The following EBF2 variants were observed in gnomAD, a reference collection of about 807,000 sequenced individuals.
EBF2 encodes transcription factor COE2.
Under a neutral mutation model 72.8 loss-of-function variants are expected in EBF2, and 21 were observed. The ratio of observed to expected loss-of-function variants is 0.29; its 90% CI spans 0.20 to 0.42. The LOEUF (loss-of-function observed/expected upper bound fraction) is 0.42, where lower values mean the gene tolerates loss of function less well. EBF2 is among the 10% of genes least tolerant of loss of function. The probability of loss-of-function intolerance (pLI) is 1.00; values close to 1 mark genes in which losing one functional copy is unlikely to be tolerated. For missense variants in EBF2, 637 were observed against 731.2 expected (o/e 0.87, Z 1.49); for synonymous variants, 299 against 274.2 (o/e 1.09, Z -0.89).
At position 25,844,547 on chromosome 8, in the gene EBF2, G is replaced by A; in HGVS notation, c.*62C>T. ...CTACACCCCCAAAAGAGCTCCTAGTGCTTTCTTCATTATTGGTCCATCAGA... is the reference window on the plus strand; with the variant it reads ...CTACACCCCCAAAAGAGCTCCTAGTACTTTCTTCATTATTGGTCCATCAGA... On this transcript the variant is annotated 3_prime_UTR_variant, in exon 16 of 16. Transcript: ENST00000520164. 2 of 1,594,042 alleles carry A rather than the reference G, an allele frequency of 1.3e-6. No homozygotes were observed. Among genetic ancestry groups the A allele is most frequent in the Non-Finnish European group, 1.7e-6 (2 of 1,162,012 alleles).
Position 25,859,401 on chromosome 8 carries a change from A to G in EBF2, c.1343-897T>C, listed in dbSNP as rs116278630. Among the ~76,000 whole-genome samples the G allele has an allele frequency of 8.8e-3, 1,333 of 152,224 alleles. 20 individuals are homozygous for G. Among genetic ancestry groups the G allele is most frequent in the African/African-American group, 0.031 (1,270 of 41,516 alleles). On this transcript the variant is annotated intron_variant, in intron 13 of 15. Transcript: ENST00000520164. ...AACGTCAGTTCCAAGTTGTTGCCAC[A>G]CCCTAGGTGCAAGTGGGGATCAATT... is the stretch of plus-strand genomic sequence containing the variant.
chr8:25,979,237 G>A (rs895581254), intron 6 of EBF2, among the ~76,000 whole-genome samples: 1 of 152,164 alleles, frequency 6.6e-6, no homozygotes, highest in Non-Finnish European at 1.5e-5. Flanking sequence ...AAATGATTTG[G>A]GCAGGCTGCC....
intron 6 of EBF2, among the ~76,000 whole-genome samples, chr8:25,936,579 A>G (rs1803582551): frequency 6.6e-6 from 1 of 152,234 alleles, no homozygotes; most frequent in African/African-American, 2.4e-5. Flanking sequence ...GTTGAGTATT[A>G]GTCTGTACCA....
At chr8:25,867,890 A>G (rs993295806) in intron 10 of EBF2, among the ~76,000 whole-genome samples, 3 of 152,190 alleles carry the variant, frequency 2.0e-5, no homozygotes, top group African/African-American at 7.2e-5. Context: ...TATTTTTTCT[A>G]GAAAAAATCA....
chr8:25,986,076 T>C (rs1162471965), intron 6 of EBF2, among the ~76,000 whole-genome samples: 1 of 144,940 alleles, frequency 6.9e-6, no homozygotes, highest in Non-Finnish European at 1.5e-5. Flanking sequence ...ACATGTGACA[T>C]AGACTTAAGA....
At chr8:25,920,039 G>A (rs1031195126) in intron 6 of EBF2, among the ~76,000 whole-genome samples, 12 of 151,420 alleles carry the variant, frequency 7.9e-5, no homozygotes, top group Non-Finnish European at 1.3e-4. Flanking sequence ...TTTTTTTTAA[G>A]CCTCAAGGAA....
At chr8:25,862,292 T>G (rs191701561) in intron 11 of EBF2, among the ~76,000 whole-genome samples, 3 of 152,268 alleles carry the variant, frequency 2.0e-5, no homozygotes, top group Admixed American at 1.3e-4. Context: ...CAGAAGCATT[T>G]TTCTCCTCAT....
intron 6 of EBF2, among the ~76,000 whole-genome samples, chr8:25,976,283 C>T (rs1804266127): frequency 6.6e-6 from 1 of 152,184 alleles, no homozygotes; most frequent in Non-Finnish European, 1.5e-5. Context: ...CTTTCACATG[C>T]TGTAATGGAG....
intron 15 of EBF2, 77 bp downstream of exon 15, chr8:25,850,517 A>G: frequency 2.8e-6 from 4 of 1,426,036 alleles, no homozygotes; most frequent in Non-Finnish European, 3.7e-6. Flanking sequence ...CTGGAGCTAT[A>G]CAATGATGTG....
chr8:25,953,827 C>G (rs772362742), intron 6 of EBF2, among the ~76,000 whole-genome samples: 1 of 152,222 alleles, frequency 6.6e-6, no homozygotes, highest in Non-Finnish European at 1.5e-5. Context: ...GCTGGACACT[C>G]AAATCCTCCA....
chr8:25,887,954 G>T lies in EBF2; in HGVS notation c.770C>A (p.Ala257Asp), dbSNP rs1262642396. 6.2e-7 allele frequency: 1 copy of T among 1,612,678 alleles called. No homozygotes were observed. The highest frequency in any genetic ancestry group is 1.7e-5 in the Admixed American group (1 of 59,682). Residue 257 changes from alanine to aspartate, a missense_variant, in exon 9 of 16, where the codon GCC becomes GAC. Ala to Asp is a moderately radical substitution (Grantham distance 126). Coordinates refer to ENST00000520164, the MANE Select transcript of EBF2 (RefSeq NM_022659.4). ...GGTCCAGCCTTCACTCGGGCTAATGGCTTTGATGCAGGGGGTAGCTAAGAA... is the reference window on the plus strand; with the variant it reads ...GGTCCAGCCTTCACTCGGGCTAATGTCTTTGATGCAGGGGGTAGCTAAGAA... The part of the protein sequence containing the change: ...DPSEATPCIK[A>D]ISPSEGWTTG...
rs537302948 is a variant in EBF2 at position 25,944,015 on chromosome 8, G to A, written c.552-35460C>T. 1.8e-3 allele frequency among the ~76,000 whole-genome samples: 267 copies of A among 152,192 alleles called. 1 individual carries two copies. Among genetic ancestry groups the A allele is most frequent in the African/African-American group, 6.3e-3 (260 of 41,504 alleles). On this transcript the variant is annotated intron_variant, in intron 6 of 15. Coordinates refer to ENST00000520164, the MANE Select transcript of EBF2 (RefSeq NM_022659.4). ...TGGTCTCCAACCATCCCCGGAAATGGGCTCTTATCTGAACAGATGAGCTTT... is the reference window on the plus strand; with the variant it reads ...TGGTCTCCAACCATCCCCGGAAATGAGCTCTTATCTGAACAGATGAGCTTT...
intron 6 of EBF2, among the ~76,000 whole-genome samples, chr8:25,939,039 A>C (rs758687070): frequency 2.1e-4 from 32 of 152,230 alleles, no homozygotes; most frequent in Admixed American, 3.3e-4. Context: ...CTGTTGTTCT[A>C]CACAAACTTC....
chr8:25,862,263 ATT>A (rs1464411479), intron 11 of EBF2, among the ~76,000 whole-genome samples: 4 of 150,640 alleles, frequency 2.7e-5, no homozygotes, highest in Non-Finnish European at 5.9e-5. Context: ...AAAGTGATGT[ATT>A]TCATAGAAAT....
At chr8:25,852,704 T>TTAAATATTTCTTACAACAATTTTG (rs1175871384) in intron 14 of EBF2, among the ~76,000 whole-genome samples, 1 of 152,212 alleles carries the variant, frequency 6.6e-6, no homozygotes, top group African/African-American at 2.4e-5. Context: ...CATGCCCGTT[T>TTAAATATTTCTTACAACAATTTTG]TAAATATTTC....
chr8:26,042,822 C>A (rs370494939), intron 1 of EBF2, among the ~76,000 whole-genome samples: 2 of 152,128 alleles, frequency 1.3e-5, no homozygotes, highest in African/African-American at 2.4e-5. Context: ...AAGGGGCAGG[C>A]GGGAGAGTAA....
At chr8:25,967,938 T>C (rs966561516) in intron 6 of EBF2, among the ~76,000 whole-genome samples, 2 of 152,236 alleles carry the variant, frequency 1.3e-5, no homozygotes, top group Admixed American at 6.5e-5. Context: ...GCACTTACTA[T>C]AGTATGTATA....
chr8:25,845,585 A>T (rs747751962), intron 15 of EBF2, among the ~76,000 whole-genome samples: 1 of 152,166 alleles, frequency 6.6e-6, no homozygotes, highest in Admixed American at 6.5e-5. Flanking sequence ...TTCTCCCTTC[A>T]TCGGGTCAAA....
intron 3 of EBF2, 134 bp from the exon 4 acceptor site, chr8:26,040,805 T>A: frequency 6.8e-7 from 1 of 1,477,126 alleles, no homozygotes; most frequent in Admixed American, 2.0e-5. Context: ...GACCTCCCAA[T>A]CCCCTGTCCC....
Sources: gnomAD v4.1 joint callset for allele counts (sites outside exome capture counted in the v4.1 genomes callset) on GRCh38, gnomAD v4.1.1 for gene constraint, MANE v1.5 for transcripts, NCBI Gene and HGNC (gene_info 2026-07-23, HGNC 2026-07-21) for gene names.